The following ADGRL3 variants were observed in gnomAD, a reference collection of about 807,000 sequenced individuals.
ADGRL3 encodes the protein adhesion G protein-coupled receptor L3, also known as calcium-independent alpha-latrotoxin receptor 3.
ADGRL3 carries 62 observed loss-of-function variants against 153.5 expected under a neutral mutation model. That is an observed-to-expected ratio of 0.40 (90% CI 0.33 to 0.50). The LOEUF is 0.50. ADGRL3 is among the 20% of genes least tolerant of loss of function. The pLI is 0.47. For missense variants in ADGRL3, 1,641 were observed against 1,859.4 expected, an observed-to-expected ratio of 0.88 and a Z score of 2.16; for synonymous variants, 710 against 672.5, an observed-to-expected ratio of 1.06 and a Z score of -0.86.
chr4:61,450,115 A>G (rs1375726475), intron 2 of ADGRL3, among the ~76,000 whole-genome samples: 5 of 152,210 alleles, frequency 3.3e-5, no homozygotes, highest in Non-Finnish European at 7.3e-5. Flanking sequence ...GGTGTGGTAT[A>G]CAGTCACTCA....
In ADGRL3 at chr4:61,767,430, C is replaced by G. The variant is rs376776288; in HGVS notation, c.1399+33876C>G. Reference sequence around the variant, plus strand: ...AAGGGAAACAGACCCTTGAAAAGAACGTAATGTGGAGTGAGTAGCCTCCGT... The same window carrying G: ...AAGGGAAACAGACCCTTGAAAAGAAGGTAATGTGGAGTGAGTAGCCTCCGT... On this transcript the variant is annotated intron_variant, in intron 8 of 26. Coordinates refer to ENST00000683033, the MANE Select transcript of ADGRL3 (RefSeq NM_001387552.1). Among the ~76,000 whole-genome samples, 60 of 152,124 alleles carry G rather than the reference C, an allele frequency of 3.9e-4. No individual in the cohort carries two copies. The East Asian group carries it at 5.0e-3, about 13-fold the overall frequency.
At chr4:61,642,261 T>C (rs1408601149) in intron 5 of ADGRL3, among the ~76,000 whole-genome samples, 1 of 152,138 alleles carries the variant, frequency 6.6e-6, no homozygotes, top group Non-Finnish European at 1.5e-5. Context: ...GATGGCAGTT[T>C]CTTTTGCTGT....
intron 5 of ADGRL3, among the ~76,000 whole-genome samples, chr4:61,642,756 G>A (rs2093744812): frequency 6.6e-6 from 1 of 152,170 alleles, no homozygotes; most frequent in Non-Finnish European, 1.5e-5. Flanking sequence ...GCTTAGGATT[G>A]ACATGGCGAT....
At chr4:61,441,970 T>G (rs2152472015) in intron 2 of ADGRL3, among the ~76,000 whole-genome samples, 1 of 152,330 alleles carries the variant, frequency 6.6e-6, no homozygotes, top group Admixed American at 6.5e-5. Context: ...AATGTTTATT[T>G]TATTCCTTAC....
chr4:61,772,640 A>C (rs2097099983), intron 8 of ADGRL3, among the ~76,000 whole-genome samples: 1 of 152,204 alleles, frequency 6.6e-6, no homozygotes, highest in East Asian at 1.9e-4. Flanking sequence ...AACTGGGGGA[A>C]ATTTAGCAAA....
At chr4:61,251,844 C>A (rs1759391185) in intron 1 of ADGRL3, among the ~76,000 whole-genome samples, 1 of 147,836 alleles carries the variant, frequency 6.8e-6, no homozygotes, top group Non-Finnish European at 1.5e-5. Context: ...ATTTTTCTTG[C>A]AGAAGTTTCT....
chr4:61,414,506 T>C (rs2097125054), intron 2 of ADGRL3, among the ~76,000 whole-genome samples: 1 of 152,102 alleles, frequency 6.6e-6, no homozygotes, highest in South Asian at 2.1e-4. Context: ...CTCTGGTAAA[T>C]AGATGAGTTA....
intron 2 of ADGRL3, among the ~76,000 whole-genome samples, chr4:61,455,852 A>G (rs922634611): frequency 3.3e-5 from 5 of 152,000 alleles, no homozygotes; most frequent in Non-Finnish European, 5.9e-5. Context: ...GTCTCACTCT[A>G]TCTCCCAGGT....
At position 61,797,054 on chromosome 4, in the gene ADGRL3, G is replaced by A. The variant is rs550929719; in HGVS notation, c.1400-16755G>A. Among the ~76,000 whole-genome samples the A allele has an allele frequency of 1.1e-3, 162 of 152,166 alleles. 2 individuals are homozygous for A. Among genetic ancestry groups the A allele is most frequent in the Middle Eastern group, 0.01 (3 of 294 alleles). On this transcript the variant is annotated intron_variant, in intron 8 of 26. Transcript: ENST00000683033. ...GCTTTTCCTTTGCTTCTCAGGCATA[G>A]CACCCCTTTACTTCTCCAAAGAACT...
At chr4:61,926,388 A>G (rs144537362) in intron 13 of ADGRL3, among the ~76,000 whole-genome samples, 109 of 152,320 alleles carry the variant, frequency 7.2e-4, no homozygotes, top group African/African-American at 2.3e-3. Context: ...AGTGAGTGCT[A>G]TCTCCTTGAC....
chr4:61,556,866 C>T (rs2098769652), intron 4 of ADGRL3, among the ~76,000 whole-genome samples: 1 of 152,132 alleles, frequency 6.6e-6, no homozygotes, highest in East Asian at 1.9e-4. Context: ...TGTGTTAACA[C>T]AGGCCCTTCT....
At position 61,813,999 on chromosome 4, in the gene ADGRL3, G is replaced by C. The variant is rs905887201; in HGVS notation, c.1480+110G>C. The C allele has an allele frequency of 4.5e-6, 6 of 1,342,774 alleles. No individual in the cohort carries two copies. In the Admixed American group the frequency reaches 1.5e-4, roughly 33 times the overall value. The allele number at this position is 1,342,774 out of a possible 1,614,324, so 83.2% of individuals were successfully genotyped here. A position where few individuals can be genotyped will look rare whatever the true frequency, so the allele number is the denominator to read the frequency against. On this transcript the variant is annotated intron_variant, in intron 9 of 26. Coordinates refer to ENST00000683033, the MANE Select transcript of ADGRL3 (RefSeq NM_001387552.1). ...TGCAGTGCCTGTTCAAAAAGCAGGG[G>C]TAAAATGAAGTATGTGAGTAATCTG...
At position 61,951,667 on chromosome 4, in the gene ADGRL3, AC is replaced by A. The variant is rs1380002598; in HGVS notation, c.2805+3393del. Among the ~76,000 whole-genome samples, 5 of 152,124 alleles carry A rather than the reference AC, an allele frequency of 3.3e-5. No individual in the cohort carries two copies. The East Asian group carries it at 9.7e-4, about 29-fold the overall frequency. ...GATCACTTGAGGTCAGGAGTTTGAG[AC>A]CAGCCTCGGCAACATGGCAGAACTC... is the stretch of plus-strand genomic sequence containing the variant. On this transcript the variant is annotated intron_variant, in intron 17 of 26. Transcript: ENST00000683033.
At chr4:61,318,456 G>A (rs1342440820) in intron 1 of ADGRL3, among the ~76,000 whole-genome samples, 1 of 151,990 alleles carries the variant, frequency 6.6e-6, no homozygotes. Flanking sequence ...TTTATCTCAA[G>A]ATTGTTTTAA....
chr4:61,641,823 A>G (rs2150183629), intron 5 of ADGRL3, among the ~76,000 whole-genome samples: 1 of 148,726 alleles, frequency 6.7e-6, no homozygotes, highest in African/African-American at 2.5e-5. Flanking sequence ...GGCTGGGACA[A>G]ATGGTATTTC....
At chr4:61,988,154 A>T (rs377269061) in intron 19 of ADGRL3, among the ~76,000 whole-genome samples, 1 of 152,142 alleles carries the variant, frequency 6.6e-6, no homozygotes, top group Non-Finnish European at 1.5e-5. Context: ...CAAAGCATAC[A>T]AATTTGATTC....
At chr4:61,985,365 G>A (rs1247045993) in intron 19 of ADGRL3, among the ~76,000 whole-genome samples, 1 of 151,932 alleles carries the variant, frequency 6.6e-6, no homozygotes, top group Non-Finnish European at 1.5e-5. Flanking sequence ...TCAAGTAAAA[G>A]ATGCTGATTT....
At position 61,851,716 on chromosome 4, in the gene ADGRL3, G is replaced by A. The variant is rs151282377; in HGVS notation, c.1480+37827G>A. ...TTGTTAAGAATATCCCTCTAAAATG[G>A]TGTTTCCTAAAAGTAGATTTTAAAG... On this transcript the variant is annotated intron_variant, in intron 9 of 26. Coordinates refer to ENST00000683033, the MANE Select transcript of ADGRL3 (RefSeq NM_001387552.1). Among the ~76,000 whole-genome samples, 116 of 151,952 alleles carry A rather than the reference G, an allele frequency of 7.6e-4. 2 individuals are homozygous for A. The highest frequency in any genetic ancestry group is 5.6e-4 in the Non-Finnish European group (38 of 68,010).
intron 1 of ADGRL3, among the ~76,000 whole-genome samples, chr4:61,318,207 A>C (rs1578245332): frequency 7.7e-6 from 1 of 129,580 alleles, no homozygotes; most frequent in African/African-American, 2.9e-5. Context: ...AAAAAAAAAA[A>C]AAAAAAACAC....
Sources: gnomAD v4.1 joint callset for allele counts (sites outside exome capture counted in the v4.1 genomes callset) on GRCh38, gnomAD v4.1.1 for gene constraint, MANE v1.5 for transcripts, NCBI Gene and HGNC (gene_info 2026-07-23, HGNC 2026-07-21) for gene names.